Variants in BAZ2B observed in about 807,000 individuals in gnomAD.
BAZ2B encodes bromodomain adjacent to zinc finger domain 2B, also known as bromodomain adjacent to zinc finger domain protein 2B.
BAZ2B carries 91 observed loss-of-function variants against 246.0 expected under a neutral mutation model. The ratio of observed to expected loss-of-function variants is 0.37; its 90% CI spans 0.31 to 0.44. The LOEUF is 0.44. BAZ2B is among the 20% of genes least tolerant of loss of function. BAZ2B has a pLI of 1.00. For missense variants in BAZ2B, 2,332 were observed against 2,533.7 expected, an observed-to-expected ratio of 0.92 and a Z score of 1.71; for synonymous variants, 855 against 860.0, an observed-to-expected ratio of 0.99 and a Z score of 0.10.
chr2:159,347,353 C>A, intron 31 of BAZ2B, 133 bp downstream of exon 31: 1 of 1,085,224 alleles, frequency 9.2e-7, no homozygotes, highest in Admixed American at 2.4e-5. Flanking sequence ...CAAATTAATC[C>A]AGGATTGTTT....
At chr2:159,365,646 G>A (rs1234478685) in intron 27 of BAZ2B, among the ~76,000 whole-genome samples, 2 of 152,134 alleles carry the variant, frequency 1.3e-5, no homozygotes, top group Non-Finnish European at 2.9e-5. Context: ...AATTTCTGTT[G>A]TATGCTTATT....
At chr2:159,566,983 C>A (rs1400680770) in intron 1 of BAZ2B, among the ~76,000 whole-genome samples, 1 of 152,050 alleles carries the variant, frequency 6.6e-6, no homozygotes, top group Non-Finnish European at 1.5e-5. Flanking sequence ...GTGGCTCACA[C>A]CTATAATCCC....
chr2:159,466,203 T>C (rs922730557), intron 3 of BAZ2B, among the ~76,000 whole-genome samples: 3 of 152,220 alleles, frequency 2.0e-5, no homozygotes, highest in Non-Finnish European at 4.4e-5. Context: ...TCTCAACTGA[T>C]CTTTTAAATT....
At chr2:159,624,703 A>G in the BAZ2B span, among the ~76,000 whole-genome samples, 1 of 152,202 alleles carries the variant, frequency 6.6e-6, no homozygotes, top group Non-Finnish European at 1.5e-5. Context: ...CCAAAGGTAG[A>G]TAAATCCATG....
chr2:159,414,505 A>G (rs2067323011), intron 13 of BAZ2B, among the ~76,000 whole-genome samples: 1 of 152,162 alleles, frequency 6.6e-6, no homozygotes, highest in Non-Finnish European at 1.5e-5. Flanking sequence ...ATTATTTTGC[A>G]CTGTATGCCT....
At chr2:159,678,560 G>A in the BAZ2B span, among the ~76,000 whole-genome samples, 1 of 152,106 alleles carries the variant, frequency 6.6e-6, no homozygotes, top group Non-Finnish European at 1.5e-5. Flanking sequence ...AGCTACTAGA[G>A]AGGCTGAGGT....
At chr2:159,495,441 C>T (rs2080987647) in intron 2 of BAZ2B, among the ~76,000 whole-genome samples, 1 of 133,326 alleles carries the variant, frequency 7.5e-6, no homozygotes, top group Admixed American at 8.2e-5. Flanking sequence ...GCCGAGATCG[C>T]GCCTCTGCAC....
At chr2:159,649,803 G>A in the BAZ2B span, among the ~76,000 whole-genome samples, 3 of 152,024 alleles carry the variant, frequency 2.0e-5, no homozygotes, top group Admixed American at 1.3e-4. Context: ...TTCCTTAAAG[G>A]GGTCCCATTA....
chr2:159,318,688 T>G (rs1233262690), downstream of BAZ2B, among the ~76,000 whole-genome samples: 1 of 152,224 alleles, frequency 6.6e-6, no homozygotes, highest in Non-Finnish European at 1.5e-5. Flanking sequence ...TGGCTACCCA[T>G]AGAGGCATTT....
Position 159,450,267 on chromosome 2 carries a change from C to T in BAZ2B, c.335-1858G>A, listed in dbSNP as rs576130230. Among the ~76,000 whole-genome samples the T allele has an allele frequency of 7.9e-5, 12 of 151,660 alleles. No individual in the cohort carries two copies. The East Asian group carries it at 1.2e-3, about 15-fold the overall frequency. ...GTATAGTTCTGTAATCCTCACTACT[C>T]GGGAGGCTGAGGCACAAGAATCACT... On this transcript the variant is annotated intron_variant, in intron 4 of 36. Coordinates refer to ENST00000392783, the MANE Select transcript of BAZ2B (RefSeq NM_013450.4).
chr2:159,602,544 T>C (rs2151767435), intron 1 of BAZ2B, among the ~76,000 whole-genome samples: 1 of 152,334 alleles, frequency 6.6e-6, no homozygotes, highest in East Asian at 1.9e-4. Flanking sequence ...ACATCTATAG[T>C]ATGGTTATGA....
rs1264938767 is a variant in BAZ2B, at chr2:159,428,018, C to A, written c.2389G>T (p.Asp797Tyr). The change falls in exon 13 of 37, where the codon GAT (aspartate) becomes TAT (tyrosine). Residue 797 changes from aspartate to tyrosine, a missense_variant. Coordinates refer to ENST00000392783, the MANE Select transcript of BAZ2B (RefSeq NM_013450.4). Reference protein sequence around the residue: ...IKYLSRNGIMDISRDNFSFSA... With the variant: ...IKYLSRNGIMYISRDNFSFSA... ...AAGCTGAAATTGTCCCTTGAGATAT[C>A]CATTATTCCATTTCTGCTGAGATAC... 6.2e-7 allele frequency: 1 copy of A among 1,613,306 alleles called. No individual in the cohort carries two copies. Among genetic ancestry groups the A allele is most frequent in the Non-Finnish European group, 8.5e-7 (1 of 1,179,436 alleles).
At chr2:159,588,009 T>C (rs934558431) in intron 1 of BAZ2B, among the ~76,000 whole-genome samples, 16 of 152,006 alleles carry the variant, frequency 1.1e-4, no homozygotes, top group African/African-American at 3.9e-4. Context: ...CTGGGCAACA[T>C]AGTTGAGACC....
intron 10 of BAZ2B, among the ~76,000 whole-genome samples, chr2:159,429,996 A>G (rs2070774254): frequency 6.6e-6 from 1 of 152,120 alleles, no homozygotes; most frequent in Non-Finnish European, 1.5e-5. Flanking sequence ...TTTAATGAAG[A>G]CCTCTAGGAA....
intron 27 of BAZ2B, among the ~76,000 whole-genome samples, chr2:159,354,006 GA>G (rs528470858): frequency 6.7e-6 from 1 of 149,666 alleles, no homozygotes; most frequent in South Asian, 2.1e-4. Flanking sequence ...ATGCAAAGAA[GA>G]AAAAAAAACA....
At chr2:159,343,055 GCATAAAAA>G (rs2067031048) in intron 31 of BAZ2B, among the ~76,000 whole-genome samples, 3 of 152,064 alleles carry the variant, frequency 2.0e-5, no homozygotes, top group Admixed American at 6.6e-5. Flanking sequence ...CATGGTACAG[GCATAAAAA>G]CTGACACATA....
the BAZ2B span, among the ~76,000 whole-genome samples, chr2:159,654,697 G>A: frequency 2.0e-5 from 3 of 152,094 alleles, no homozygotes; most frequent in Non-Finnish European, 2.9e-5. Context: ...ACTACAGGCC[G>A]GGCATGGTGG....
intron 1 of BAZ2B, among the ~76,000 whole-genome samples, chr2:159,590,464 G>A (rs535549971): frequency 7.9e-5 from 12 of 151,720 alleles, no homozygotes; most frequent in African/African-American, 2.2e-4. Context: ...GATAGTGGGC[G>A]CCTATAATCT....
intron 35 of BAZ2B, 140 bp from the exon 36 acceptor site, chr2:159,325,094 A>ATATATATATATATAT (rs2063415771): frequency 3.6e-4 from 1 of 2,786 alleles, no homozygotes; most frequent in African/African-American, 1.2e-3. Flanking sequence ...TATATATATT[A>ATATATATATATATAT]TATATATATA....
Sources: allele counts gnomAD v4.1 joint callset (sites outside exome capture counted in the v4.1 genomes callset), GRCh38; gene constraint gnomAD v4.1.1; transcripts MANE v1.5; gene names NCBI Gene and HGNC (gene_info 2026-07-23, HGNC 2026-07-21).